Variants in MMP16 observed in about 807,000 individuals in gnomAD.
MMP16 encodes the protein matrix metalloproteinase-16.
A neutral mutation model predicts 67.8 loss-of-function variants in MMP16; 12 were observed. The observed-to-expected ratio is 0.18, with a 90% CI of 0.11 to 0.29. The LOEUF is 0.29. Among genes scored for constraint, MMP16 ranks in the 10% least tolerant of loss-of-function variants. MMP16 has a pLI of 1.00. For missense variants in MMP16, 475 were observed against 765.7 expected (o/e 0.62, Z 4.48); for synonymous variants, 249 against 255.9 (o/e 0.97, Z 0.26).
At chr8:88,216,128 G>A (rs1018665623) in intron 1 of MMP16, among the ~76,000 whole-genome samples, 5 of 152,152 alleles carry the variant, frequency 3.3e-5, no homozygotes, top group African/African-American at 1.2e-4. Context: ...TCTGAGGTCT[G>A]AGATAAACAA....
At chr8:88,052,853 G>T (rs1330469426) in intron 8 of MMP16, among the ~76,000 whole-genome samples, 1 of 152,140 alleles carries the variant, frequency 6.6e-6, no homozygotes, top group South Asian at 2.1e-4. Flanking sequence ...CTTAACAAGT[G>T]AGGCCTTCTC....
chr8:88,149,574 C>G (rs1453496282), intron 4 of MMP16, among the ~76,000 whole-genome samples: 1 of 152,130 alleles, frequency 6.6e-6, no homozygotes, highest in Non-Finnish European at 1.5e-5. Flanking sequence ...AGCAGCCTAA[C>G]TGGGAGGCAC....
intron 1 of MMP16, among the ~76,000 whole-genome samples, chr8:88,290,379 C>T (rs187757890): frequency 6.6e-6 from 1 of 152,084 alleles, no homozygotes; most frequent in Non-Finnish European, 1.5e-5. Flanking sequence ...GGTGAAACCC[C>T]GTCTCTACTA....
At chr8:88,266,140 A>G (rs1029869766) in intron 1 of MMP16, among the ~76,000 whole-genome samples, 2 of 152,194 alleles carry the variant, frequency 1.3e-5, no homozygotes, top group African/African-American at 4.8e-5. Context: ...AGGTGCTCCC[A>G]TTATTGTAAC....
rs536243513 is a variant in MMP16, at chr8:88,324,601, A to G, written c.132+2474T>C. 9.1e-4 allele frequency among the ~76,000 whole-genome samples: 139 copies of G among 152,288 alleles called. 1 individual carries two copies. Among genetic ancestry groups the G allele is most frequent in the Non-Finnish European group, 1.7e-3 (113 of 67,990 alleles). On this transcript the variant is annotated intron_variant, in intron 1 of 9. Transcript: ENST00000286614. ...CATATGAGCTTCATGCATGACTGATATCATTACTGTTTATTTTAAGACTAT... is the reference window on the plus strand; with the variant it reads ...CATATGAGCTTCATGCATGACTGATGTCATTACTGTTTATTTTAAGACTAT...
At chr8:88,149,307 C>G (rs1323793537) in intron 4 of MMP16, among the ~76,000 whole-genome samples, 1 of 152,230 alleles carries the variant, frequency 6.6e-6, no homozygotes, top group East Asian at 1.9e-4. Context: ...ATTGCCCAGG[C>G]TTGCTTAGGT....
chr8:88,290,897 T>C lies in MMP16; in HGVS notation c.132+36178A>G, dbSNP rs1424416271. Among the ~76,000 whole-genome samples the C allele has an allele frequency of 2.0e-5, 3 of 152,328 alleles. No individual in the cohort carries two copies. The East Asian group carries it at 5.8e-4, about 29-fold the overall frequency. On this transcript the variant is annotated intron_variant, in intron 1 of 9. Transcript: ENST00000286614. Reference sequence around the variant, plus strand: ...TACTCATATTTTATTTATGTAAATATAATAGAAGAAATCCTTAAATATTCA... The same window carrying C: ...TACTCATATTTTATTTATGTAAATACAATAGAAGAAATCCTTAAATATTCA...
intron 4 of MMP16, among the ~76,000 whole-genome samples, chr8:88,133,691 T>A (rs1460616977): frequency 1.3e-5 from 2 of 151,780 alleles, no homozygotes; most frequent in Admixed American, 1.3e-4. Context: ...GAGCTTAAAA[T>A]AATGATGCAG....
intron 4 of MMP16, among the ~76,000 whole-genome samples, chr8:88,119,300 C>G (rs779036952): frequency 1.3e-5 from 2 of 151,892 alleles, no homozygotes; most frequent in Non-Finnish European, 2.9e-5. Flanking sequence ...TAAATTAAGG[C>G]ATGAAGATGA....
chr8:88,154,823 T>C lies in MMP16; in HGVS notation c.709+12846A>G, dbSNP rs563486021. Reference sequence around the variant, plus strand: ...CATGGCACATGTATACATATGTAACTAACCTGCACAATGTGCACATGTACC... The same window carrying C: ...CATGGCACATGTATACATATGTAACCAACCTGCACAATGTGCACATGTACC... On this transcript the variant is annotated intron_variant, in intron 4 of 9. Coordinates refer to ENST00000286614, the MANE Select transcript of MMP16 (RefSeq NM_005941.5). Among the ~76,000 whole-genome samples, 230 of 141,492 alleles carry C rather than the reference T, an allele frequency of 1.6e-3. 2 individuals carry two copies. The highest frequency in any genetic ancestry group is 4.7e-3 in the African/African-American group (177 of 37,264). 92.8% of individuals were successfully genotyped at this position (141,492 alleles called of 152,430 possible).
chr8:88,163,472 C>A (rs998082406), intron 4 of MMP16, among the ~76,000 whole-genome samples: 1 of 151,924 alleles, frequency 6.6e-6, no homozygotes, highest in African/African-American at 2.4e-5. Context: ...CAGTAAGCAG[C>A]GTAACTGCAA....
chr8:88,183,652 T>C (rs866514834), intron 3 of MMP16, among the ~76,000 whole-genome samples: 26 of 151,650 alleles, frequency 1.7e-4, no homozygotes, highest in Admixed American at 2.6e-4. Flanking sequence ...GTGAACTATA[T>C]AACGAAAGTG....
chr8:88,220,177 G>T (rs1809658362), intron 1 of MMP16, among the ~76,000 whole-genome samples: 1 of 151,944 alleles, frequency 6.6e-6, no homozygotes, highest in Admixed American at 6.6e-5. Context: ...CACACCTAAA[G>T]AATTCACCAT....
intron 1 of MMP16, among the ~76,000 whole-genome samples, chr8:88,265,365 A>AC: frequency 6.6e-6 from 1 of 151,692 alleles, no homozygotes; most frequent in African/African-American, 2.4e-5. Context: ...TGTCTCAAGC[A>AC]TTCAATATAC....
At chr8:88,100,798 T>A (rs1376801414) in intron 6 of MMP16, among the ~76,000 whole-genome samples, 1 of 151,896 alleles carries the variant, frequency 6.6e-6, no homozygotes, top group Admixed American at 6.6e-5. Context: ...TATGCAGCCA[T>A]AAAGAAGGAT....
Position 88,058,867 on chromosome 8 carries a change from A to C in MMP16, c.1223-2589T>G, listed in dbSNP as rs748160705. Among the ~76,000 whole-genome samples, 6 of 152,120 alleles carry C rather than the reference A, an allele frequency of 3.9e-5. No homozygotes were observed. Among genetic ancestry groups the C allele is most frequent in the Non-Finnish European group, 7.4e-5 (5 of 67,982 alleles). On this transcript the variant is annotated intron_variant, in intron 7 of 9. Coordinates refer to ENST00000286614, the MANE Select transcript of MMP16 (RefSeq NM_005941.5). This position sits in a 1 kb window ranked among gnomAD's most constrained non-coding sequence, Gnocchi z 4.2. ...AAGTTCTTTGACAGTGGTTTGGACC[A>C]ACACAGCAGAAATAGAGATGGAAAG...
chr8:88,267,115 G>T (rs2129963610), intron 1 of MMP16, among the ~76,000 whole-genome samples: 1 of 152,208 alleles, frequency 6.6e-6, no homozygotes, highest in South Asian at 2.1e-4. Flanking sequence ...ATAAATATTA[G>T]GAACGTTCAT....
chr8:88,303,015 AG>A (rs1276152655), intron 1 of MMP16, among the ~76,000 whole-genome samples: 1 of 152,214 alleles, frequency 6.6e-6, no homozygotes, highest in African/African-American at 2.4e-5. Context: ...CCAGTGGATC[AG>A]GAGATCCCTT....
At chr8:88,130,495 A>G (rs889638715) in intron 4 of MMP16, among the ~76,000 whole-genome samples, 3 of 151,762 alleles carry the variant, frequency 2.0e-5, no homozygotes, top group Admixed American at 2.0e-4. Flanking sequence ...TTAATGATAG[A>G]TATACTTTAC....
Sources: gnomAD v4.1 joint callset for allele counts (sites outside exome capture counted in the v4.1 genomes callset) on GRCh38, gnomAD v4.1.1 for gene constraint, Gnocchi (gnomAD v3.1) non-coding constraint, MANE v1.5 for transcripts, NCBI Gene and HGNC (gene_info 2026-07-23, HGNC 2026-07-21) for gene names.